CNTNAP2: variants seen among roughly 807,000 people sequenced by gnomAD.
The protein encoded by CNTNAP2 is contactin-associated protein-like 2.
Under a neutral mutation model 155.2 loss-of-function variants are expected in CNTNAP2, and 98 were observed. The observed-to-expected ratio is 0.63, with a 90% confidence interval of 0.54 to 0.75. CNTNAP2 has a LOEUF of 0.75. Among genes scored for constraint, CNTNAP2 ranks in the 30% least tolerant of loss-of-function variants. The pLI is 0.00. For synonymous variants in CNTNAP2, 651 were observed against 631.2 expected, an observed-to-expected ratio of 1.03 and a Z score of -0.47; for missense variants, 1,727 against 1,688.1, an observed-to-expected ratio of 1.02 and a Z score of -0.40.
chr7:148,046,416 G>A (rs1006393333), intron 15 of CNTNAP2, among the ~76,000 whole-genome samples: 1 of 151,970 alleles, frequency 6.6e-6, no homozygotes, highest in African/African-American at 2.4e-5. Flanking sequence ...ACAATTTATA[G>A]GTTATAATAT....
At chr7:146,345,623 A>T (rs1222921088) in intron 1 of CNTNAP2, among the ~76,000 whole-genome samples, 2 of 152,210 alleles carry the variant, frequency 1.3e-5, no homozygotes, top group East Asian at 3.9e-4. Context: ...GGTCAGCATG[A>T]TACCTTAGAA....
intron 3 of CNTNAP2, among the ~76,000 whole-genome samples, chr7:146,942,158 A>G (rs1357543009): frequency 6.6e-6 from 1 of 151,910 alleles, no homozygotes. Flanking sequence ...ATGTTGTCTC[A>G]TAATTCTTAT....
At chr7:146,740,693 C>G (rs1183349739) in intron 1 of CNTNAP2, among the ~76,000 whole-genome samples, 1 of 152,168 alleles carries the variant, frequency 6.6e-6, no homozygotes, top group Non-Finnish European at 1.5e-5. Flanking sequence ...TTAGCTGGTA[C>G]AATGCTGGGG....
chr7:147,269,645 A>G (rs1476614680), intron 8 of CNTNAP2, among the ~76,000 whole-genome samples: 1 of 152,206 alleles, frequency 6.6e-6, no homozygotes, highest in Non-Finnish European at 1.5e-5. Context: ...AAGGGCCAGG[A>G]CAATCAAGAT....
At chr7:146,426,259 G>A (rs1796088235) in intron 1 of CNTNAP2, among the ~76,000 whole-genome samples, 1 of 147,932 alleles carries the variant, frequency 6.8e-6, no homozygotes, top group Non-Finnish European at 1.5e-5. Context: ...AGTACCCACT[G>A]CAGGAGCAGA....
intron 1 of CNTNAP2, among the ~76,000 whole-genome samples, chr7:146,758,965 T>C (rs1278884542): frequency 1.3e-5 from 2 of 152,296 alleles, no homozygotes; most frequent in East Asian, 3.9e-4. Context: ...TACTTATCAC[T>C]GGTGATGATG....
At chr7:146,169,864 T>C (rs898084637) in intron 1 of CNTNAP2, among the ~76,000 whole-genome samples, 1 of 151,742 alleles carries the variant, frequency 6.6e-6, no homozygotes, top group African/African-American at 2.4e-5. Flanking sequence ...CATTTATTCG[T>C]GGATAGGTAC....
intron 3 of CNTNAP2, among the ~76,000 whole-genome samples, chr7:146,861,357 A>G (rs1296231620): frequency 2.0e-5 from 3 of 151,868 alleles, no homozygotes; most frequent in African/African-American, 7.3e-5. Flanking sequence ...TTACCCTTTC[A>G]TTTTCTTGAA....
chr7:146,849,850 G>A (rs1370899355), intron 3 of CNTNAP2, among the ~76,000 whole-genome samples: 1 of 152,064 alleles, frequency 6.6e-6, no homozygotes, highest in African/African-American at 2.4e-5. Context: ...CTAGCCTTGA[G>A]AATAATATAT....
intron 9 of CNTNAP2, among the ~76,000 whole-genome samples, chr7:147,378,784 T>C (rs975345854): frequency 3.9e-5 from 6 of 152,230 alleles, no homozygotes; most frequent in African/African-American, 1.4e-4. Context: ...TAATGCGTTT[T>C]TAATTCCAAT....
intron 15 of CNTNAP2, among the ~76,000 whole-genome samples, chr7:147,993,687 A>C (rs770004304): frequency 3.9e-5 from 6 of 152,242 alleles, no homozygotes; most frequent in Non-Finnish European, 8.8e-5. Flanking sequence ...GGTGGGCAGT[A>C]TTAAACCCGA....
At chr7:146,639,425 T>C (rs540679462) in intron 1 of CNTNAP2, among the ~76,000 whole-genome samples, 3 of 152,318 alleles carry the variant, frequency 2.0e-5, no homozygotes, top group Admixed American at 1.3e-4. Flanking sequence ...TCTCATCTCA[T>C]GGAATCCCCA....
At chr7:147,336,645 T>C (rs1221732254) in intron 9 of CNTNAP2, among the ~76,000 whole-genome samples, 3 of 152,114 alleles carry the variant, frequency 2.0e-5, no homozygotes, top group African/African-American at 7.2e-5. Flanking sequence ...GAAATCTTGC[T>C]AAAATTATAG....
intron 1 of CNTNAP2, among the ~76,000 whole-genome samples, chr7:146,761,333 G>A (rs181243674): frequency 0.012 from 1,660 of 139,792 alleles, 32 homozygotes; most frequent in African/African-American, 0.046. Context: ...AAGGAAGGAA[G>A]GAAAATAGGA....
chr7:147,583,942 C>G (rs10230213), intron 12 of CNTNAP2, among the ~76,000 whole-genome samples: 1 of 151,886 alleles, frequency 6.6e-6, no homozygotes, highest in African/African-American at 2.4e-5. Context: ...GCACTTGTAT[C>G]AAAACTTGAA....
chr7:148,042,861 G>A (rs1428826090), intron 15 of CNTNAP2, among the ~76,000 whole-genome samples: 2 of 152,316 alleles, frequency 1.3e-5, no homozygotes, highest in African/African-American at 2.4e-5. Context: ...ATTCCAGGAA[G>A]CAGGAAGCCA....
At chr7:147,552,735 T>G (rs1381206015) in intron 11 of CNTNAP2, among the ~76,000 whole-genome samples, 1 of 152,162 alleles carries the variant, frequency 6.6e-6, no homozygotes, top group Non-Finnish European at 1.5e-5. Flanking sequence ...ATAATATCAG[T>G]AGAAACAATT....
chr7:147,646,042 G>A (rs1430877449), intron 13 of CNTNAP2, among the ~76,000 whole-genome samples: 1 of 152,222 alleles, frequency 6.6e-6, no homozygotes, highest in African/African-American at 2.4e-5. Context: ...AGTGGAGGAA[G>A]CAGAGGTGGT....
chr7:147,075,505 T>C (rs1445851670), intron 4 of CNTNAP2, among the ~76,000 whole-genome samples: 2 of 152,176 alleles, frequency 1.3e-5, no homozygotes, highest in Non-Finnish European at 2.9e-5. Flanking sequence ...TGGGGAGTAA[T>C]ATTTTGAAAA....
Sources: gnomAD v4.1 joint callset for allele counts (sites outside exome capture counted in the v4.1 genomes callset) on GRCh38, gnomAD v4.1.1 for gene constraint, MANE v1.5 for transcripts, NCBI Gene and HGNC (gene_info 2026-07-23, HGNC 2026-07-21) for gene names.